Variants in NTM observed in about 807,000 individuals in gnomAD.
The protein encoded by NTM is IgLON family member 2.
Under a neutral mutation model 42.1 loss-of-function variants are expected in NTM, and 13 were observed. The ratio of observed to expected loss-of-function variants is 0.31; its 90% CI spans 0.20 to 0.49. The LOEUF (loss-of-function observed/expected upper bound fraction) is 0.49. Among genes scored for constraint, NTM ranks in the 20% least tolerant of loss-of-function variants. The pLI is 0.99. For synonymous variants in NTM, 187 were observed against 179.2 expected (o/e 1.04, Z -0.35); for missense variants, 373 against 452.8 (o/e 0.82, Z 1.60).
At chr11:131,909,569 G>A (rs2054378903) in intron 1 of NTM, 1 of 152,322 alleles carries the variant, frequency 6.6e-6, no homozygotes. Context: ...GGTCAGGGCT[G>A]GAGGCCGGCT....
At chr11:132,034,322 G>T (rs1341740014) in intron 2 of NTM, among the ~76,000 whole-genome samples, 2 of 152,156 alleles carry the variant, frequency 1.3e-5, no homozygotes, top group Admixed American at 1.3e-4. Flanking sequence ...CTGCTAGTAG[G>T]CACTACCCGT....
At chr11:131,826,089 A>T (rs2042096447) in intron 1 of NTM, among the ~76,000 whole-genome samples, 1 of 152,308 alleles carries the variant, frequency 6.6e-6, no homozygotes, top group East Asian at 1.9e-4. Flanking sequence ...ACTTTATAGG[A>T]CGATAATGAA....
At chr11:132,325,951 G>A (rs1317786272) in intron 7 of NTM, among the ~76,000 whole-genome samples, 3 of 151,876 alleles carry the variant, frequency 2.0e-5, no homozygotes, top group Admixed American at 6.6e-5. Flanking sequence ...CTCACTCATA[G>A]GTGGGAATTG....
At position 131,814,351 on chromosome 11, in the gene NTM, T is replaced by C. The variant is rs115914397; in HGVS notation, c.83-97213T>C. Among the ~76,000 whole-genome samples the C allele has an allele frequency of 3.4e-3, 518 of 152,242 alleles. 3 individuals are homozygous for C. The highest frequency in any genetic ancestry group is 0.012 in the African/African-American group (491 of 41,544). On this transcript the variant is annotated intron_variant, in intron 1 of 8. Transcript: ENST00000683400. ...CAAAGCGGCTCTGAAAGCCCACACC[T>C]GGCACCACTCCACCAGCTCCCAAAT...
intron 2 of NTM, among the ~76,000 whole-genome samples, chr11:132,068,885 T>C (rs775530444): frequency 1.3e-5 from 2 of 152,230 alleles, no homozygotes; most frequent in Admixed American, 1.3e-4. Context: ...TTTCAGCTGA[T>C]TGGGTGAGAC....
intron 3 of NTM, among the ~76,000 whole-genome samples, chr11:132,149,939 C>T (rs1241236944): frequency 1.3e-5 from 2 of 152,178 alleles, no homozygotes; most frequent in Non-Finnish European, 2.9e-5. Context: ...GCAGTGCTTC[C>T]ATAGTCATGC....
chr11:131,996,294 C>T (rs537210989), intron 2 of NTM, among the ~76,000 whole-genome samples: 1 of 152,050 alleles, frequency 6.6e-6, no homozygotes, highest in Non-Finnish European at 1.5e-5. Flanking sequence ...TCCCCTGACC[C>T]CCTCCCCTGC....
At chr11:131,791,433 A>G (rs909923883) in intron 1 of NTM, among the ~76,000 whole-genome samples, 9 of 152,212 alleles carry the variant, frequency 5.9e-5, no homozygotes, top group Non-Finnish European at 8.8e-5. Context: ...ACATACATCA[A>G]TATATGCATA....
At chr11:131,988,594 C>T (rs2135062774) in intron 2 of NTM, among the ~76,000 whole-genome samples, 1 of 152,284 alleles carries the variant, frequency 6.6e-6, no homozygotes, top group South Asian at 2.1e-4. Flanking sequence ...TTTGTCATCA[C>T]TTCTTTTACC....
Position 131,789,476 on chromosome 11 carries a change from AAG to A in NTM, c.83-122086_83-122085del, listed in dbSNP as rs1491104209. Among the ~76,000 whole-genome samples the A allele has an allele frequency of 1.2e-3, 15 of 12,626 alleles. 4 individuals carry two copies. Among genetic ancestry groups the A allele is most frequent in the Admixed American group, 5.6e-3 (5 of 896 alleles). 8.3% of individuals were successfully genotyped at this position (12,626 alleles called of 152,430 possible). A position where few individuals can be genotyped will look rare whatever the true frequency, so the allele number is the denominator to read the frequency against. Reference sequence around the variant, plus strand: ...GAAGAAGAAGAAGAAGAAGAAGAAGAAGAAGAAGAAGAAGAGGAAAGAAGAAG... The same window carrying A: ...GAAGAAGAAGAAGAAGAAGAAGAAGAAAGAAGAAGAAGAGGAAAGAAGAAG... On this transcript the variant is annotated intron_variant, in intron 1 of 8. Transcript: ENST00000683400.
At chr11:131,719,173 G>A (rs2078056095) in intron 1 of NTM, among the ~76,000 whole-genome samples, 2 of 152,128 alleles carry the variant, frequency 1.3e-5, no homozygotes, top group South Asian at 4.1e-4. Flanking sequence ...CCCTCCTGAA[G>A]TGCTGGGATT....
intron 4 of NTM, among the ~76,000 whole-genome samples, chr11:132,305,063 C>T (rs549133213): frequency 1.3e-5 from 2 of 152,208 alleles, no homozygotes; most frequent in African/African-American, 4.8e-5. Context: ...GCACCCATGT[C>T]CCCACAGAAA....
intron 1 of NTM, among the ~76,000 whole-genome samples, chr11:131,811,307 T>A (rs2092720271): frequency 6.6e-6 from 1 of 152,228 alleles, no homozygotes; most frequent in Non-Finnish European, 1.5e-5. Context: ...CCTCTCATCA[T>A]CATTTAGAAA....
chr11:131,967,094 G>A (rs1445049790), intron 2 of NTM, among the ~76,000 whole-genome samples: 2 of 152,168 alleles, frequency 1.3e-5, no homozygotes, highest in Non-Finnish European at 2.9e-5. Flanking sequence ...GAGTTATGTT[G>A]TCCACATTAA....
At chr11:132,184,888 A>G (rs370109163) in intron 3 of NTM, among the ~76,000 whole-genome samples, 1 of 152,172 alleles carries the variant, frequency 6.6e-6, no homozygotes, top group Non-Finnish European at 1.5e-5. Context: ...AGAGGTGCCA[A>G]TTCAGAAACG....
intron 2 of NTM, among the ~76,000 whole-genome samples, chr11:132,110,272 T>C (rs7124251): frequency 0.56 from 85,443 of 152,174 alleles, 24,390 homozygotes; most frequent in African/African-American, 0.62. Context: ...AATGAATGAA[T>C]GATTACATAA....
At chr11:131,714,559 G>A (rs111898287) in intron 1 of NTM, among the ~76,000 whole-genome samples, 1 of 152,142 alleles carries the variant, frequency 6.6e-6, no homozygotes, top group South Asian at 2.1e-4. Flanking sequence ...TCATTTTAGA[G>A]AAACAGTGTA....
chr11:131,983,756 C>T (rs115193001), intron 2 of NTM, among the ~76,000 whole-genome samples: 1,583 of 151,740 alleles, frequency 0.01, 27 homozygotes, highest in African/African-American at 0.036. Flanking sequence ...ACTCAACAAT[C>T]TACAATGAAT....
chr11:132,229,064 C>T (rs1057288029), intron 4 of NTM, among the ~76,000 whole-genome samples: 8 of 152,148 alleles, frequency 5.3e-5, no homozygotes, highest in East Asian at 1.9e-4. Context: ...ACTTGAGAAA[C>T]GAATAACTGA....
Sources: allele counts gnomAD v4.1 joint callset (sites outside exome capture counted in the v4.1 genomes callset), GRCh38; gene constraint gnomAD v4.1.1; transcripts MANE v1.5; gene names NCBI Gene and HGNC (gene_info 2026-07-23, HGNC 2026-07-21).